UBXN2B: variants seen among roughly 807,000 people sequenced by gnomAD.
UBXN2B encodes the protein UBX domain-containing protein 2B.
Under a neutral mutation model 37.5 loss-of-function variants are expected in UBXN2B, and 19 were observed. The ratio of observed to expected loss-of-function variants is 0.51; its 90% CI spans 0.35 to 0.74. UBXN2B has a LOEUF of 0.74. Among genes scored for constraint, UBXN2B ranks in the 30% least tolerant of loss-of-function variants. UBXN2B has a pLI of 0.01. For synonymous variants in UBXN2B, 145 were observed against 143.8 expected, an observed-to-expected ratio of 1.01 and a Z score of -0.06; for missense variants, 370 against 393.2, an observed-to-expected ratio of 0.94 and a Z score of 0.50.
chr8:58,418,130 A>G (rs1052973767), intron 2 of UBXN2B, among the ~76,000 whole-genome samples: 4 of 151,750 alleles, frequency 2.6e-5, no homozygotes, highest in African/African-American at 7.2e-5. Flanking sequence ...AATTCCAGCT[A>G]CTTGGGAGGC....
chr8:58,425,033 C>T, intron 2 of UBXN2B: 1 of 782,462 alleles, frequency 1.3e-6, no homozygotes, highest in Admixed American at 1.7e-5. Context: ...ATGATGCGTT[C>T]CTGCTTATGG....
At chr8:58,422,886 C>T (rs1807964334) in intron 2 of UBXN2B, among the ~76,000 whole-genome samples, 1 of 152,204 alleles carries the variant, frequency 6.6e-6, no homozygotes, top group Admixed American at 6.5e-5. Context: ...GTTTTGGCTT[C>T]CCAAGGTCAC....
chr8:58,426,792 G>A (rs1458738511), intron 2 of UBXN2B: 23 of 606,224 alleles, frequency 3.8e-5, no homozygotes, highest in South Asian at 2.1e-4. Flanking sequence ...GACCAGATGC[G>A]GGGCGGAGCC....
In UBXN2B at chr8:58,425,705, A is replaced by G. The variant is rs1205501178; in HGVS notation, c.189-4814A>G. On this transcript the variant is annotated intron_variant, in intron 2 of 7. Transcript: ENST00000399598. ...GAATTCTGCTATTTCAGCAACATTT[A>G]TACGAGTCGTGTTAAGGGGCTACGT... is the stretch of plus-strand genomic sequence containing the variant. The G allele has an allele frequency of 4.3e-6, 5 of 1,167,462 alleles. No individual in the cohort carries two copies. In the African/African-American group the frequency reaches 7.6e-5, roughly 18 times the overall value. 72.3% of individuals were successfully genotyped at this position (1,167,462 alleles called of 1,614,324 possible). A position where few individuals can be genotyped will look rare whatever the true frequency, so the allele number is the denominator to read the frequency against.
intron 6 of UBXN2B, among the ~76,000 whole-genome samples, chr8:58,442,428 T>C (rs963658298): frequency 6.6e-6 from 1 of 152,042 alleles, no homozygotes; most frequent in African/African-American, 2.4e-5. Flanking sequence ...TTCTCAAGAG[T>C]TCAAGACAAT....
intron 2 of UBXN2B, among the ~76,000 whole-genome samples, chr8:58,424,109 A>G (rs1215594854): frequency 6.6e-6 from 1 of 152,112 alleles, no homozygotes; most frequent in African/African-American, 2.4e-5. Flanking sequence ...TATTGGATAC[A>G]TGATGGTAAA....
chr8:58,424,689 G>GT (rs532444286), intron 2 of UBXN2B: 3 of 1,275,830 alleles, frequency 2.4e-6, no homozygotes, highest in African/African-American at 3.1e-5. Flanking sequence ...GTACAAGGCG[G>GT]GGGGGGGGGC....
At chr8:58,424,574 T>G in intron 2 of UBXN2B, 2 of 1,040,084 alleles carry the variant, frequency 1.9e-6, no homozygotes, top group Non-Finnish European at 3.0e-6. Flanking sequence ...GTGCTGAAGT[T>G]TTGGCAGATT....
At chr8:58,441,903 T>C (rs1010546663) in intron 6 of UBXN2B, among the ~76,000 whole-genome samples, 5 of 152,194 alleles carry the variant, frequency 3.3e-5, no homozygotes, top group African/African-American at 1.2e-4. Context: ...TTGTGTAGTT[T>C]ATAGAATATC....
chr8:58,434,590 T>G, intron 5 of UBXN2B, 86 bp downstream of exon 5: 1 of 1,065,688 alleles, frequency 9.4e-7, no homozygotes, highest in Non-Finnish European at 1.3e-6. Flanking sequence ...GCACTACGGG[T>G]TTTCAAGAAG....
At chr8:58,423,401 A>T (rs1272498924) in intron 2 of UBXN2B, among the ~76,000 whole-genome samples, 1 of 152,032 alleles carries the variant, frequency 6.6e-6, no homozygotes, top group African/African-American at 2.4e-5. Context: ...GCCCAACTCA[A>T]ATTGAAGAAC....
intron 2 of UBXN2B, among the ~76,000 whole-genome samples, chr8:58,417,378 T>C (rs1448618835): frequency 2.0e-5 from 3 of 152,218 alleles, no homozygotes; most frequent in African/African-American, 7.2e-5. Flanking sequence ...TGTGTGTTTC[T>C]TGAAGCCACT....
rs569272163 is a variant in UBXN2B, at chr8:58,411,573, C to T, written c.84+104C>T. ...CACCTCTGGCCTCGGCGGAGCCTTT[C>T]CCCGACCCCGTCTGGGGATAGAATC... On this transcript the variant is annotated intron_variant, in intron 1 of 7. Coordinates refer to ENST00000399598, the MANE Select transcript of UBXN2B (RefSeq NM_001077619.2). 2,689 of 958,988 alleles carry T rather than the reference C, an allele frequency of 2.8e-3. 4 individuals are homozygous for T. Among genetic ancestry groups the T allele is most frequent in the Non-Finnish European group, 3.0e-3 (2,178 of 738,234 alleles). The allele number at this position is 958,988 out of a possible 1,614,324, so 59.4% of individuals were successfully genotyped here.
Position 58,416,968 on chromosome 8 carries a change from G to A in UBXN2B, c.188+15G>A. The A allele has an allele frequency of 6.5e-7, 1 of 1,548,186 alleles. No individual in the cohort carries two copies. The highest frequency in any genetic ancestry group is 8.7e-7 in the Non-Finnish European group (1 of 1,143,546). On this transcript the variant is annotated intron_variant, in intron 2 of 7. Coordinates refer to ENST00000399598, the MANE Select transcript of UBXN2B (RefSeq NM_001077619.2). ...CCACCTCAACGGTAAGTTTTATTTTGTTTTGTTGTAAAAAGAAATTATAAT... is the reference window on the plus strand; with the variant it reads ...CCACCTCAACGGTAAGTTTTATTTTATTTTGTTGTAAAAAGAAATTATAAT...
chr8:58,442,797 C>T (rs534524741), intron 6 of UBXN2B, among the ~76,000 whole-genome samples: 4 of 152,078 alleles, frequency 2.6e-5, no homozygotes, highest in Admixed American at 6.5e-5. Context: ...TTTGAGCTGG[C>T]GTGTATAATG....
rs939107299 is a variant in UBXN2B at position 58,450,744 on chromosome 8, A to T, written c.*3193A>T. The T allele has an allele frequency of 1.3e-5, 2 of 152,120 alleles. No homozygotes were observed. Among genetic ancestry groups the T allele is most frequent in the Non-Finnish European group, 2.9e-5 (2 of 68,030 alleles). The allele number at this position is 152,120 out of a possible 1,614,324, so 9.4% of individuals were successfully genotyped here. A position where few individuals can be genotyped will look rare whatever the true frequency, so the allele number is the denominator to read the frequency against. ...TTTATGCCTGCTTCTCTGCCAGATG[A>T]CTTGAATATGGTACTAGATTTGGAA... On this transcript the variant is annotated 3_prime_UTR_variant, in exon 8 of 8. Coordinates refer to ENST00000399598, the MANE Select transcript of UBXN2B (RefSeq NM_001077619.2).
At chr8:58,420,324 A>G (rs766262102) in intron 2 of UBXN2B, among the ~76,000 whole-genome samples, 14 of 152,236 alleles carry the variant, frequency 9.2e-5, no homozygotes, top group Non-Finnish European at 1.6e-4. Context: ...GTTTCTCTAC[A>G]TAAAGTATTC....
intron 5 of UBXN2B, among the ~76,000 whole-genome samples, chr8:58,437,186 T>C (rs1585614522): frequency 6.6e-6 from 1 of 152,128 alleles, no homozygotes; most frequent in Non-Finnish European, 1.5e-5. Flanking sequence ...GAGGAAGTTA[T>C]TGGGAACTGG....
chr8:58,441,348 CATATATAT>C (rs33952664), intron 6 of UBXN2B, among the ~76,000 whole-genome samples: 16 of 104,660 alleles, frequency 1.5e-4, no homozygotes, highest in South Asian at 9.5e-4. Flanking sequence ...TTGTGATCAA[CATATATAT>C]ATATATATAT....
Sources: gnomAD v4.1 joint callset for allele counts (sites outside exome capture counted in the v4.1 genomes callset) on GRCh38, gnomAD v4.1.1 for gene constraint, MANE v1.5 for transcripts, NCBI Gene and HGNC (gene_info 2026-07-23, HGNC 2026-07-21) for gene names.